HOXB3: variants seen among roughly 807,000 people sequenced by gnomAD.
The protein encoded by HOXB3 is homeobox B3.
In HOXB3, 17 loss-of-function variants were observed where a neutral mutation model predicts 29.2. The observed-to-expected ratio is 0.58, with a 90% confidence interval of 0.40 to 0.87. The LOEUF is 0.87. HOXB3 is among the 40% of genes least tolerant of loss of function. HOXB3 has a pLI of 0.00. For synonymous variants in HOXB3, 317 were observed against 285.9 expected (o/e 1.11, Z -1.10); for missense variants, 637 against 616.3 (o/e 1.03, Z -0.35).
chr17:48,570,535 G>T (rs531775820), intron 2 of HOXB3, among the ~76,000 whole-genome samples: 12 of 152,336 alleles, frequency 7.9e-5, no homozygotes, highest in African/African-American at 2.9e-4. Flanking sequence ...AGGGGTCTGA[G>T]GGGCCTCCCC....
At chr17:48,568,953 A>G (rs2069484932) in intron 2 of HOXB3, among the ~76,000 whole-genome samples, 1 of 152,144 alleles carries the variant, frequency 6.6e-6, no homozygotes, top group Non-Finnish European at 1.5e-5. Context: ...GTAGGTAGTG[A>G]GAAATCCCTT....
chr17:48,579,954 G>C, intron 1 of HOXB3: 1 of 511,704 alleles, frequency 2.0e-6, no homozygotes, highest in Non-Finnish European at 4.0e-6. Context: ...GATCTTCTTG[G>C]CCCAGAAATT....
In HOXB3 at chr17:48,550,865, C is replaced by T; in HGVS notation, c.765G>A (p.Ser255=). The T allele has an allele frequency of 1.9e-6, 3 of 1,613,924 alleles. No homozygotes were observed. Among genetic ancestry groups the T allele is most frequent in the South Asian group, 2.2e-5 (2 of 91,088 alleles). ...KDQKAKGLAS[S]SGGPSPAGSP... ...TGCCGGCTGGAGATGGGCCCCCCGACGACGAGGCCAATCCCTTGGCCTTCT... is the reference window on the plus strand; with the variant it reads ...TGCCGGCTGGAGATGGGCCCCCCGATGACGAGGCCAATCCCTTGGCCTTCT... Residue 255 remains serine, a synonymous_variant, in exon 5 of 5, where the codon TCG becomes TCA. Coordinates refer to ENST00000498678, the MANE Select transcript of HOXB3 (RefSeq NM_001384749.1).
chr17:48,563,222 G>A (rs2069261251), intron 2 of HOXB3, among the ~76,000 whole-genome samples: 1 of 152,214 alleles, frequency 6.6e-6, no homozygotes, highest in African/African-American at 2.4e-5. Flanking sequence ...GGGCCAGGAG[G>A]CCAGGCCAAG....
rs2068784650 is a variant in HOXB3, at chr17:48,552,267, T to G, written c.208A>C (p.Asn70His). 9 of 1,613,716 alleles carry G rather than the reference T, an allele frequency of 5.6e-6. No individual in the cohort carries two copies. The highest frequency in any genetic ancestry group is 1.3e-5 in the African/African-American group (1 of 74,904). ...AGACCCGGCCTCATGCAGCTGCCGT[T>G]GAGCTCCTTGCTCTTGGCATGTGGG... Reference protein sequence around the residue: ...AAPHAKSKELNGSCMRPGLAP... With the variant: ...AAPHAKSKELHGSCMRPGLAP... Residue 70 changes from asparagine to histidine, a missense_variant, in exon 4 of 5, where the codon AAC (asparagine) becomes CAC (histidine). Asn to His is a moderately conservative substitution (Grantham distance 68). Coordinates refer to ENST00000498678, the MANE Select transcript of HOXB3 (RefSeq NM_001384749.1).
intron 1 of HOXB3, chr17:48,577,152 G>T: frequency 1.3e-6 from 1 of 741,160 alleles, no homozygotes; most frequent in South Asian, 1.9e-5. Flanking sequence ...GAGGGAGAGC[G>T]GGGAAAAACG....
intron 2 of HOXB3, among the ~76,000 whole-genome samples, chr17:48,558,860 G>A (rs555160652): frequency 6.6e-6 from 1 of 151,942 alleles, no homozygotes; most frequent in Non-Finnish European, 1.5e-5. Context: ...ACAGAAGAGG[G>A]AACAATTTCT....
At chr17:48,563,159 G>A (rs1333258878) in intron 2 of HOXB3, among the ~76,000 whole-genome samples, 3 of 152,228 alleles carry the variant, frequency 2.0e-5, no homozygotes, top group African/African-American at 7.2e-5. Flanking sequence ...GTGAAGATGA[G>A]GCTGGGTGGG....
intron 1 of HOXB3, among the ~76,000 whole-genome samples, chr17:48,587,004 C>A (rs536970352): frequency 6.6e-6 from 1 of 152,126 alleles, no homozygotes; most frequent in South Asian, 2.1e-4. Flanking sequence ...CAGGAACGAC[C>A]TGAGGGGTAT....
At chr17:48,579,655 G>A in intron 1 of HOXB3, 1 of 180,454 alleles carries the variant, frequency 5.5e-6, no homozygotes, top group South Asian at 1.3e-4. Context: ...AAGGGACCAA[G>A]GCTCCCAGGG....
At position 48,550,230 on chromosome 17, in the gene HOXB3, TACC is replaced by T. The variant is rs546829890; in HGVS notation, c.*101_*103del. On this transcript the variant is annotated 3_prime_UTR_variant, in exon 5 of 5. Transcript: ENST00000498678. Reference sequence around the variant, plus strand: ...GCCGGTTCTGACCAGGAAGCCTGGGTACCACCTTCTCTGGCTCCTCTTTTCAGA... The same window carrying T: ...GCCGGTTCTGACCAGGAAGCCTGGGTACCTTCTCTGGCTCCTCTTTTCAGA... The T allele has an allele frequency of 1.0e-3, 1,526 of 1,491,108 alleles. 16 individuals carry two copies. The African/African-American group carries it at 0.017, about 17-fold the overall frequency. 92.4% of individuals were successfully genotyped at this position (1,491,108 alleles called of 1,614,324 possible).
intron 2 of HOXB3, among the ~76,000 whole-genome samples, chr17:48,559,418 G>A (rs2069116239): frequency 6.6e-6 from 1 of 152,194 alleles, no homozygotes; most frequent in Admixed American, 6.5e-5. Flanking sequence ...GCTAGCTTGG[G>A]AGCTAGGACC....
At chr17:48,560,534 C>T (rs928474057) in intron 2 of HOXB3, among the ~76,000 whole-genome samples, 4 of 152,128 alleles carry the variant, frequency 2.6e-5, no homozygotes, top group East Asian at 1.9e-4. Context: ...TTCCCTCCTT[C>T]CCCGGAATTC....
intron 2 of HOXB3, among the ~76,000 whole-genome samples, chr17:48,558,961 G>A (rs2069097827): frequency 6.6e-6 from 1 of 151,722 alleles, no homozygotes; most frequent in African/African-American, 2.4e-5. Flanking sequence ...GAGAGAGAAA[G>A]GAGGAGAAAG....
At chr17:48,565,107 G>A (rs567139737) in intron 2 of HOXB3, among the ~76,000 whole-genome samples, 64 of 152,220 alleles carry the variant, frequency 4.2e-4, no homozygotes, top group Non-Finnish European at 6.3e-4. Context: ...GAAAAAAAGA[G>A]ACCAAACCCA....
At position 48,549,145 on chromosome 17, in the gene HOXB3, A is replaced by G. The variant is rs965402641; in HGVS notation, c.*1189T>C. 1 of 152,690 alleles carries G rather than the reference A, an allele frequency of 6.5e-6. No individual in the cohort carries two copies. Among genetic ancestry groups the G allele is most frequent in the African/African-American group, 2.4e-5 (1 of 41,470 alleles). 9.5% of individuals were successfully genotyped at this position (152,690 alleles called of 1,614,324 possible). On this transcript the variant is annotated 3_prime_UTR_variant, in exon 5 of 5. Transcript: ENST00000498678. Reference sequence around the variant, plus strand: ...CTGGTTTTACATGACAGGAAACACAATGTCCTTTGTAACAGGTAAATACTA... The same window carrying G: ...CTGGTTTTACATGACAGGAAACACAGTGTCCTTTGTAACAGGTAAATACTA...
intron 2 of HOXB3, among the ~76,000 whole-genome samples, chr17:48,564,584 G>A (rs1015311185): frequency 6.6e-6 from 1 of 152,250 alleles, no homozygotes; most frequent in Non-Finnish European, 1.5e-5. Context: ...CTGGCACCGA[G>A]CTGAACTCGG....
chr17:48,578,655 G>A (rs2069854252), intron 1 of HOXB3: 4 of 308,092 alleles, frequency 1.3e-5, no homozygotes, highest in South Asian at 1.2e-4. Context: ...GAGAGCGCGC[G>A]CAGGTTGCGA....
At chr17:48,575,181 G>A (rs1164554507) in intron 1 of HOXB3, 1 of 152,182 alleles carries the variant, frequency 6.6e-6, no homozygotes, top group Non-Finnish European at 1.5e-5. Context: ...GATATGAAAG[G>A]CTTTGCCGTA....
Sources: gnomAD v4.1 joint callset for allele counts (sites outside exome capture counted in the v4.1 genomes callset) on GRCh38, gnomAD v4.1.1 for gene constraint, MANE v1.5 for transcripts, NCBI Gene and HGNC (gene_info 2026-07-23, HGNC 2026-07-21) for gene names.